Variants in RIN2 observed in about 807,000 individuals in gnomAD.
RIN2 encodes the protein RAB5 interacting protein 2.
Under a neutral mutation model 78.0 loss-of-function variants are expected in RIN2, and 36 were observed. The observed-to-expected ratio is 0.46, with a 90% CI of 0.35 to 0.61. The LOEUF (loss-of-function observed/expected upper bound fraction) is 0.61, where lower values mean the gene tolerates loss of function less well. Ranked by LOEUF, RIN2 falls within the 20% of genes least tolerant of loss-of-function variation. RIN2 has a pLI of 0.00. For missense variants in RIN2, 1,087 were observed against 1,159.7 expected, an observed-to-expected ratio of 0.94 and a Z score of 0.91; for synonymous variants, 466 against 466.8, an observed-to-expected ratio of 1.00 and a Z score of 0.02.
chr20:19,975,308 G>T lies in RIN2; in HGVS notation c.1283G>T (p.Arg428Leu), dbSNP rs761798904. 2 of 1,606,964 alleles carry T rather than the reference G, an allele frequency of 1.2e-6. No homozygotes were observed. The highest frequency in any genetic ancestry group is 1.7e-6 in the Non-Finnish European group (2 of 1,176,906). The change falls in exon 9 of 13, where the codon CGG becomes CTG. Residue 428 changes from arginine to leucine, a missense_variant. Transcript: ENST00000255006. This position sits in a 1 kb window ranked among gnomAD's most constrained non-coding sequence, Gnocchi z 4.9. ...CCCCCGTGCCATGGAGGCCGGCAGC[G>T]GCTGAGCGACATGAGCATTTCTACT... ...SRPPCHGGRQ[R>L]LSDMSISTSS...
In RIN2 at chr20:19,821,506, C is replaced by T. The variant is rs144810531; in HGVS notation, c.-37+21759C>T. Among the ~76,000 whole-genome samples the T allele has an allele frequency of 7.2e-3, 1,097 of 152,264 alleles. 7 individuals carry two copies. Among genetic ancestry groups the T allele is most frequent in the Non-Finnish European group, 0.01 (688 of 68,026 alleles). Reference sequence around the variant, plus strand: ...CCCATAGGATCAAACCTCAATTTGTCTCTATGGCCTAAGGATGATCTGATC... The same window carrying T: ...CCCATAGGATCAAACCTCAATTTGTTTCTATGGCCTAAGGATGATCTGATC... On this transcript the variant is annotated intron_variant, in intron 2 of 12. Transcript: ENST00000255006.
At chr20:19,784,693 AG>A (rs1200038885) in intron 1 of RIN2, among the ~76,000 whole-genome samples, 1 of 152,196 alleles carries the variant, frequency 6.6e-6, no homozygotes. Flanking sequence ...CCAGCCAGGC[AG>A]GCTCCGGAGC....
intron 3 of RIN2, among the ~76,000 whole-genome samples, chr20:19,923,425 TAAATAAAATAAAATA>T (rs561665019): frequency 1.4e-4 from 17 of 125,306 alleles, no homozygotes; most frequent in East Asian, 4.7e-4. Flanking sequence ...CAAAATAAAA[TAAATAAAATAAAATA>T]AAATAAAATA....
In RIN2 at chr20:19,975,302, G is replaced by GGCA; in HGVS notation, c.1280_1282dup (p.Gln427dup). 1 of 1,605,098 alleles carries GGCA rather than the reference G, an allele frequency of 6.2e-7. No homozygotes were observed. Among genetic ancestry groups the GGCA allele is most frequent in the South Asian group, 1.1e-5 (1 of 89,640 alleles). On this transcript the variant is annotated inframe_insertion, in exon 9 of 13. Coordinates refer to ENST00000255006, the MANE Select transcript of RIN2 (RefSeq NM_018993.4). This position sits in a 1 kb window ranked among gnomAD's most constrained non-coding sequence, Gnocchi z 4.9. ...TCACGGCCCCCGTGCCATGGAGGCC[G>GGCA]GCAGCGGCTGAGCGACATGAGCATT...
intron 1 of RIN2, among the ~76,000 whole-genome samples, chr20:19,768,729 TGCCATGTGTGGCTTACTG>T (rs2033994242): frequency 6.6e-6 from 1 of 152,076 alleles, no homozygotes; most frequent in Admixed American, 6.5e-5. Flanking sequence ...CACAGCATGA[TGCCATGTGTGGCTTACTG>T]GCCCCTCAGA....
intron 1 of RIN2, among the ~76,000 whole-genome samples, chr20:19,783,090 G>A (rs1370116172): frequency 6.6e-6 from 1 of 152,200 alleles, no homozygotes; most frequent in Non-Finnish European, 1.5e-5. Context: ...CGTTGGTGGT[G>A]GGTGGGAGTC....
At chr20:19,856,299 A>G (rs1464132473) in intron 2 of RIN2, among the ~76,000 whole-genome samples, 1 of 152,158 alleles carries the variant, frequency 6.6e-6, no homozygotes, top group African/African-American at 2.4e-5. Flanking sequence ...GTAAATTCTA[A>G]GAGATAAGAA....
At chr20:19,785,298 A>C (rs943122999) in intron 1 of RIN2, among the ~76,000 whole-genome samples, 11 of 120,276 alleles carry the variant, frequency 9.1e-5, no homozygotes, top group African/African-American at 3.2e-4. Context: ...ACACACACAC[A>C]CACCAGAGCA....
intron 2 of RIN2, among the ~76,000 whole-genome samples, chr20:19,887,297 T>C (rs1267188800): frequency 6.6e-6 from 1 of 152,140 alleles, no homozygotes; most frequent in Non-Finnish European, 1.5e-5. Flanking sequence ...ATGCTGGTCA[T>C]GAGCCACTGC....
rs867263491 is a variant in RIN2 at position 19,883,354 on chromosome 20, T to C, written c.-36-6212T>C. Among the ~76,000 whole-genome samples, 1,318 of 151,034 alleles carry C rather than the reference T, an allele frequency of 8.7e-3. 26 individuals are homozygous for C. Among genetic ancestry groups the C allele is most frequent in the African/African-American group, 0.031 (1,266 of 41,110 alleles). On this transcript the variant is annotated intron_variant, in intron 2 of 12. Transcript: ENST00000255006. Reference sequence around the variant, plus strand: ...AGAGAGGACTTTTTTTTTTTTTTTTTTTTTAGACCTGGTCTCTCTCTGTTA... The same window carrying C: ...AGAGAGGACTTTTTTTTTTTTTTTTCTTTTAGACCTGGTCTCTCTCTGTTA...
chr20:19,851,948 G>A (rs2036994390), intron 2 of RIN2, among the ~76,000 whole-genome samples: 1 of 152,098 alleles, frequency 6.6e-6, no homozygotes, highest in South Asian at 2.1e-4. Context: ...GGCAGGCTGG[G>A]CTCATCTGGG....
chr20:19,989,516 T>G (rs1259650326), intron 9 of RIN2, among the ~76,000 whole-genome samples: 2 of 152,180 alleles, frequency 1.3e-5, no homozygotes, highest in East Asian at 3.8e-4. Flanking sequence ...CCTCAAATGA[T>G]CTGCCTGCCT....
rs200218923 is a variant in RIN2 at position 19,822,970 on chromosome 20, TAATA to T, written c.-37+23229_-37+23232del. On this transcript the variant is annotated intron_variant, in intron 2 of 12. Coordinates refer to ENST00000255006, the MANE Select transcript of RIN2 (RefSeq NM_018993.4). The stretch of plus-strand genomic sequence containing the variant: ...AATATATATTTCTAATAATTTCTAA[TAATA>T]AATAATCACTAGAATAGCTAGCATT... Among the ~76,000 whole-genome samples the T allele has an allele frequency of 6.2e-3, 546 of 88,534 alleles. 1 individual carries two copies. Among genetic ancestry groups the T allele is most frequent in the Non-Finnish European group, 0.01 (306 of 29,308 alleles). The allele number at this position is 88,534 out of a possible 152,430, so 58.1% of individuals were successfully genotyped here. A position where few individuals can be genotyped will look rare whatever the true frequency, so the allele number is the denominator to read the frequency against.
intron 2 of RIN2, among the ~76,000 whole-genome samples, chr20:19,848,392 T>C (rs2036851350): frequency 1.3e-5 from 2 of 151,788 alleles, no homozygotes; most frequent in Admixed American, 1.3e-4. Flanking sequence ...AAAAATTAGC[T>C]GGGCGTGGTG....
chr20:19,901,786 G>A (rs2038992717), intron 3 of RIN2, among the ~76,000 whole-genome samples: 1 of 152,092 alleles, frequency 6.6e-6, no homozygotes, highest in South Asian at 2.1e-4. Context: ...GGAGGCCAAG[G>A]CCAGCAGATC....
chr20:19,919,738 G>A (rs1005423239), intron 3 of RIN2, among the ~76,000 whole-genome samples: 2 of 152,104 alleles, frequency 1.3e-5, no homozygotes, highest in South Asian at 4.2e-4. Context: ...CCCAGAAGGT[G>A]GAGGCTGCAG....
intron 7 of RIN2, among the ~76,000 whole-genome samples, chr20:19,969,885 T>C (rs1293782994): frequency 6.6e-6 from 1 of 151,886 alleles, no homozygotes; most frequent in Non-Finnish European, 1.5e-5. Flanking sequence ...TGCTTTGCCC[T>C]GTGGGGAATT....
intron 6 of RIN2, among the ~76,000 whole-genome samples, chr20:19,961,101 C>T (rs917880726): frequency 2.0e-4 from 30 of 152,172 alleles, no homozygotes; most frequent in African/African-American, 7.2e-4. Context: ...CTCCCCCTAC[C>T]CAGTTAAGTG....
chr20:19,912,463 C>CT (rs1473579519), intron 3 of RIN2, among the ~76,000 whole-genome samples: 1 of 118,554 alleles, frequency 8.4e-6, no homozygotes, highest in Non-Finnish European at 1.7e-5. Flanking sequence ...TTTCTTTTTT[C>CT]TTTTTCTTTT....
Sources: gnomAD v4.1 joint callset for allele counts (sites outside exome capture counted in the v4.1 genomes callset) on GRCh38, gnomAD v4.1.1 for gene constraint, Gnocchi (gnomAD v3.1) non-coding constraint, MANE v1.5 for transcripts, NCBI Gene and HGNC (gene_info 2026-07-23, HGNC 2026-07-21) for gene names.